The following CDH13 variants were observed in gnomAD, a reference collection of about 807,000 sequenced individuals.
CDH13 encodes cadherin 13, also known as cadherin-13.
Under a neutral mutation model 63.8 loss-of-function variants are expected in CDH13, and 24 were observed. That is an observed-to-expected ratio of 0.38 (90% CI 0.27 to 0.53). CDH13 has a LOEUF of 0.53. Ranked by LOEUF, CDH13 falls within the 20% of genes least tolerant of loss-of-function variation. The probability of loss-of-function intolerance (pLI) is 0.85; values close to 1 mark genes in which losing one functional copy is unlikely to be tolerated. For missense variants in CDH13, 1,049 were observed against 903.1 expected (o/e 1.16, Z -2.07); for synonymous variants, 503 against 355.3 (o/e 1.42, Z -4.67).
At chr16:83,200,992 G>C (rs2039013617) in intron 4 of CDH13, among the ~76,000 whole-genome samples, 1 of 144,090 alleles carries the variant, frequency 6.9e-6, no homozygotes, top group South Asian at 2.3e-4. Flanking sequence ...CTTTTAACTA[G>C]GAGAATCACT....
chr16:83,311,471 C>A (rs548918979), intron 5 of CDH13, among the ~76,000 whole-genome samples: 1 of 152,106 alleles, frequency 6.6e-6, no homozygotes, highest in African/African-American at 2.4e-5. Flanking sequence ...TAATTGTCAG[C>A]GAATTCCCAA....
intron 8 of CDH13, among the ~76,000 whole-genome samples, chr16:83,632,155 T>A (rs1315535368): frequency 1.3e-5 from 2 of 152,184 alleles, no homozygotes; most frequent in Non-Finnish European, 2.9e-5. Flanking sequence ...TGTTTCCTCA[T>A]TGTTACTCCA....
At chr16:83,390,390 C>G (rs922104227) in intron 6 of CDH13, among the ~76,000 whole-genome samples, 2 of 152,084 alleles carry the variant, frequency 1.3e-5, no homozygotes, top group African/African-American at 4.8e-5. Flanking sequence ...ATGGTTAAGT[C>G]CCGGGGCCCT....
chr16:83,609,829 T>G (rs1215358952), intron 8 of CDH13, among the ~76,000 whole-genome samples: 3 of 152,164 alleles, frequency 2.0e-5, no homozygotes, highest in Admixed American at 2.0e-4. Context: ...TTTTAGAACA[T>G]TTTCATCGTC....
At chr16:83,266,799 C>T (rs1041967660) in intron 5 of CDH13, among the ~76,000 whole-genome samples, 8 of 152,332 alleles carry the variant, frequency 5.3e-5, no homozygotes, top group South Asian at 2.1e-4. Flanking sequence ...CTGGAATCCT[C>T]TCTTTTCCCC....
Position 83,447,213 on chromosome 16 carries a change from G to A in CDH13, c.782-39264G>A, listed in dbSNP as rs140057829. Among the ~76,000 whole-genome samples, 1,211 of 145,640 alleles carry A rather than the reference G, an allele frequency of 8.3e-3. 10 individuals are homozygous for A. Among genetic ancestry groups the A allele is most frequent in the African/African-American group, 0.028 (1,097 of 39,154 alleles). On this transcript the variant is annotated intron_variant, in intron 6 of 13. Coordinates refer to ENST00000567109, the MANE Select transcript of CDH13 (RefSeq NM_001257.5). The stretch of plus-strand genomic sequence containing the variant: ...ATGGATCACCTGAGGTCAGGAGTTC[G>A]AGACCAGCCTAGTCAACATGGTGAA...
intron 1 of CDH13, among the ~76,000 whole-genome samples, chr16:82,773,941 C>T (rs913579049): frequency 3.9e-5 from 6 of 151,916 alleles, no homozygotes; most frequent in African/African-American, 1.2e-4. Flanking sequence ...CCACCACCAC[C>T]CCTGGCTGAT....
intron 1 of CDH13, among the ~76,000 whole-genome samples, chr16:82,697,232 A>G (rs896198200): frequency 1.3e-5 from 2 of 152,132 alleles, no homozygotes; most frequent in African/African-American, 4.8e-5. Context: ...TATGTCATCA[A>G]AGAAGGCGTT....
intron 5 of CDH13, among the ~76,000 whole-genome samples, chr16:83,296,628 TACAC>T (rs371789458): frequency 6.6e-6 from 1 of 151,470 alleles, no homozygotes; most frequent in Admixed American, 6.6e-5. Context: ...ACAACACAAG[TACAC>T]ACACACACAC....
chr16:83,194,066 T>C (rs2038803806), intron 4 of CDH13, among the ~76,000 whole-genome samples: 1 of 152,212 alleles, frequency 6.6e-6, no homozygotes, highest in East Asian at 1.9e-4. Context: ...GTTTATAGTT[T>C]CAGTGATTCT....
chr16:83,134,829 A>G (rs1043887650), intron 4 of CDH13, among the ~76,000 whole-genome samples: 11 of 152,190 alleles, frequency 7.2e-5, no homozygotes, highest in African/African-American at 2.7e-4. Flanking sequence ...CCAAATACAT[A>G]TATATGCAAA....
intron 2 of CDH13, chr16:82,859,305 C>G (rs1312311201): frequency 2.0e-5 from 3 of 152,324 alleles, no homozygotes; most frequent in African/African-American, 7.2e-5. Flanking sequence ...TGCCTGTAAT[C>G]TCACCACTTT....
chr16:83,406,438 G>A (rs988098020), intron 6 of CDH13, among the ~76,000 whole-genome samples: 1 of 143,736 alleles, frequency 7.0e-6, no homozygotes, highest in East Asian at 2.0e-4. Flanking sequence ...CTCTCTCTCT[G>A]TCTCTCTCCC....
rs192339892 is a variant in CDH13 at position 83,542,540 on chromosome 16, G to T, written c.960+55885G>T. Among the ~76,000 whole-genome samples the T allele has an allele frequency of 1.6e-4, 25 of 152,310 alleles. No individual in the cohort carries two copies. In the East Asian group the frequency reaches 4.6e-3, roughly 28 times the overall value. On this transcript the variant is annotated intron_variant, in intron 7 of 13. Transcript: ENST00000567109. ...GTAACAAAGCATCATAAACTAAGTG[G>T]CTTACAACAGCAGAAATGTATTCTC...
At chr16:83,784,769 C>T (rs1027455699) in intron 13 of CDH13, among the ~76,000 whole-genome samples, 2 of 152,096 alleles carry the variant, frequency 1.3e-5, no homozygotes, top group Non-Finnish European at 2.9e-5. Flanking sequence ...ATGACTGTAC[C>T]ACCACCATCA....
intron 4 of CDH13, among the ~76,000 whole-genome samples, chr16:83,191,158 A>G (rs563822721): frequency 6.8e-6 from 1 of 148,026 alleles, no homozygotes; most frequent in Admixed American, 6.9e-5. Flanking sequence ...TTTGTCTTTG[A>G]TATGGAAAGA....
chr16:83,619,148 C>G (rs1027778879), intron 8 of CDH13, among the ~76,000 whole-genome samples: 2 of 151,932 alleles, frequency 1.3e-5, no homozygotes, highest in Admixed American at 1.3e-4. Context: ...ATTCATTCAT[C>G]CACCTGCTTG....
chr16:82,644,231 G>C lies in CDH13; in HGVS notation c.45+17094G>C, dbSNP rs540428373. Among the ~76,000 whole-genome samples, 81 of 152,270 alleles carry C rather than the reference G, an allele frequency of 5.3e-4. No individual in the cohort carries two copies. The highest frequency in any genetic ancestry group is 1.9e-3 in the African/African-American group (81 of 41,540). On this transcript the variant is annotated intron_variant, in intron 1 of 13. Coordinates refer to ENST00000567109, the MANE Select transcript of CDH13 (RefSeq NM_001257.5). The surrounding 1 kb of genome is among the most constrained non-coding windows in gnomAD (Gnocchi z 5.7). The stretch of plus-strand genomic sequence containing the variant: ...CTGAAGAATTCAATAGCCTAGTAAT[G>C]AGAAGTCAATCTAAGGTCTAAGGCT...
chr16:82,747,768 G>A (rs1249456885), intron 1 of CDH13, among the ~76,000 whole-genome samples: 3 of 152,182 alleles, frequency 2.0e-5, no homozygotes, highest in African/African-American at 4.8e-5. Flanking sequence ...TGCGAATGTT[G>A]TGAAGTATGT....
Sources: gnomAD v4.1 joint callset for allele counts (sites outside exome capture counted in the v4.1 genomes callset) on GRCh38, gnomAD v4.1.1 for gene constraint, Gnocchi (gnomAD v3.1) non-coding constraint, MANE v1.5 for transcripts, NCBI Gene and HGNC (gene_info 2026-07-23, HGNC 2026-07-21) for gene names.